Variants in GABRG3 observed in about 807,000 individuals in gnomAD.
The protein encoded by GABRG3 is gamma-aminobutyric acid receptor subunit gamma-3.
A neutral mutation model predicts 48.8 loss-of-function variants in GABRG3; 25 were observed. The ratio of observed to expected loss-of-function variants is 0.51; its 90% CI spans 0.37 to 0.72. The LOEUF (loss-of-function observed/expected upper bound fraction) is 0.72, where lower values mean the gene tolerates loss of function less well. Ranked by LOEUF, GABRG3 falls within the 30% of genes least tolerant of loss-of-function variation. GABRG3 has a pLI of 0.00. For synonymous variants in GABRG3, 227 were observed against 217.6 expected (o/e 1.04, Z -0.38); for missense variants, 394 against 577.9 (o/e 0.68, Z 3.26).
intron 3 of GABRG3, among the ~76,000 whole-genome samples, chr15:27,305,136 T>C (rs889392481): frequency 6.6e-6 from 1 of 151,894 alleles, no homozygotes; most frequent in Admixed American, 6.6e-5. Context: ...CAGTCCAGTA[T>C]CATTCCAATG....
intron 2 of GABRG3, among the ~76,000 whole-genome samples, chr15:26,981,719 C>T (rs115066308): frequency 0.011 from 1,656 of 152,256 alleles, 34 homozygotes; most frequent in African/African-American, 0.038. Flanking sequence ...TTGCAGCAGA[C>T]GCACCGTCGG....
Position 26,977,037 on chromosome 15 carries a change from C to T in GABRG3, c.89C>T (p.Ser30Leu). ...RKVEEDEYED[S>L]SSNQKWVLAP... ...GTGGAAGAGGATGAATATGAAGATT[C>T]ATCATCAAACCAAAAGTGGGTCTTG... Residue 30 changes from serine (S) to leucine (L), a missense_variant, in exon 2 of 10, where the codon TCA becomes TTA. By Grantham distance (145) the Ser-to-Leu change is moderately radical (BLOSUM62 -2). This residue lies in a region of GABRG3 where 218 missense variants were observed against 309.9 expected (regional missense o/e 0.70). Transcript: ENST00000615808. 3.7e-6 allele frequency: 6 copies of T among 1,613,862 alleles called. No homozygotes were observed. Among genetic ancestry groups the T allele is most frequent in the Non-Finnish European group, 5.1e-6 (6 of 1,179,858 alleles).
At chr15:26,972,263 A>G (rs2140629053) in intron 1 of GABRG3, among the ~76,000 whole-genome samples, 1 of 152,294 alleles carries the variant, frequency 6.6e-6, no homozygotes, top group African/African-American at 2.4e-5. Context: ...GTAATGTAAG[A>G]AATCATCTCA....
In GABRG3 at chr15:27,481,114, A is replaced by G. The variant is rs956357037; in HGVS notation, c.712+327A>G. ...GAGAGTTCTGCAAATTTCCACGTAC[A>G]TAAGAAGAATCAAATATTATTGAGA... On this transcript the variant is annotated intron_variant, in intron 6 of 9. Transcript: ENST00000615808. 6.4e-6 allele frequency: 7 copies of G among 1,101,940 alleles called. No homozygotes were observed. The African/African-American group carries it at 1.1e-4, about 18-fold the overall frequency. The allele number at this position is 1,101,940 out of a possible 1,614,324, so 68.3% of individuals were successfully genotyped here. A position where few individuals can be genotyped will look rare whatever the true frequency, so the allele number is the denominator to read the frequency against.
intron 3 of GABRG3, among the ~76,000 whole-genome samples, chr15:27,276,951 A>G (rs1277096918): frequency 6.6e-6 from 1 of 152,226 alleles, no homozygotes; most frequent in Non-Finnish European, 1.5e-5. Context: ...CAGGAGTTTG[A>G]TTGATTGGCT....
chr15:27,426,556 A>G (rs1016529165), intron 5 of GABRG3, among the ~76,000 whole-genome samples: 7 of 152,174 alleles, frequency 4.6e-5, no homozygotes, highest in Non-Finnish European at 8.8e-5. Context: ...GTCTCATGCC[A>G]GTAATCCCAG....
At chr15:27,294,020 T>C (rs1891892163) in intron 3 of GABRG3, among the ~76,000 whole-genome samples, 1 of 152,074 alleles carries the variant, frequency 6.6e-6, no homozygotes, top group Non-Finnish European at 1.5e-5. Context: ...GGTGGGATTG[T>C]GATTCAAATT....
At chr15:27,113,945 A>C (rs1462439165) in intron 3 of GABRG3, among the ~76,000 whole-genome samples, 2 of 152,224 alleles carry the variant, frequency 1.3e-5, no homozygotes, top group African/African-American at 4.8e-5. Flanking sequence ...TTTTGCAAAA[A>C]TGACCAACAT....
chr15:27,219,343 A>C (rs970633430), intron 3 of GABRG3, among the ~76,000 whole-genome samples: 1 of 152,142 alleles, frequency 6.6e-6, no homozygotes, highest in East Asian at 1.9e-4. Flanking sequence ...GCAGAGTCCA[A>C]TTTGGGCTCA....
chr15:27,448,201 A>T (rs1889000640), intron 5 of GABRG3, among the ~76,000 whole-genome samples: 1 of 152,192 alleles, frequency 6.6e-6, no homozygotes, highest in Admixed American at 6.5e-5. Flanking sequence ...ATATTTACCC[A>T]AGGGGTAGTG....
intron 5 of GABRG3, among the ~76,000 whole-genome samples, chr15:27,347,920 A>T (rs1217254152): frequency 6.6e-6 from 1 of 152,020 alleles, no homozygotes; most frequent in Non-Finnish European, 1.5e-5. Flanking sequence ...CAGTTGTCTG[A>T]TGGGTTCAAG....
At chr15:27,003,493 A>G (rs1449071898) in intron 2 of GABRG3, among the ~76,000 whole-genome samples, 1 of 151,978 alleles carries the variant, frequency 6.6e-6, no homozygotes, top group African/African-American at 2.4e-5. Context: ...AATCCATTTA[A>G]CCCTGAGTGG....
Position 27,499,184 on chromosome 15 carries a change from T to C in GABRG3, c.712+18397T>C, listed in dbSNP as rs954906525. Among the ~76,000 whole-genome samples, 23 of 152,224 alleles carry C rather than the reference T, an allele frequency of 1.5e-4. 1 individual carries two copies. Among genetic ancestry groups the C allele is most frequent in the African/African-American group, 5.5e-4 (23 of 41,458 alleles). ...GTTCTTAGAATGTTCAGGATTTAAT[T>C]TGATACAAAGATATAAGACTAATTC... On this transcript the variant is annotated intron_variant, in intron 6 of 9. Coordinates refer to ENST00000615808, the MANE Select transcript of GABRG3 (RefSeq NM_033223.5).
intron 5 of GABRG3, among the ~76,000 whole-genome samples, chr15:27,357,671 T>C (rs1286217983): frequency 6.6e-6 from 1 of 152,236 alleles, no homozygotes; most frequent in Non-Finnish European, 1.5e-5. Flanking sequence ...AGACAGATGA[T>C]TTTCATATCT....
At chr15:27,403,133 G>A (rs1387560009) in intron 5 of GABRG3, among the ~76,000 whole-genome samples, 1 of 151,474 alleles carries the variant, frequency 6.6e-6, no homozygotes, top group Non-Finnish European at 1.5e-5. Context: ...AATTATAAAA[G>A]AAAAAAATTA....
chr15:27,125,574 A>G (rs1478343121), intron 3 of GABRG3, among the ~76,000 whole-genome samples: 1 of 152,258 alleles, frequency 6.6e-6, no homozygotes, highest in African/African-American at 2.4e-5. Flanking sequence ...CGTATATTGA[A>G]GTATCACTCT....
At chr15:27,188,503 T>C (rs1260214514) in intron 3 of GABRG3, among the ~76,000 whole-genome samples, 1 of 151,948 alleles carries the variant, frequency 6.6e-6, no homozygotes, top group African/African-American at 2.4e-5. Context: ...TTTCATGTGT[T>C]TTTTGGCTGC....
chr15:27,414,495 C>A (rs1887886738), intron 5 of GABRG3, among the ~76,000 whole-genome samples: 1 of 152,096 alleles, frequency 6.6e-6, no homozygotes, highest in African/African-American at 2.4e-5. Flanking sequence ...TTATTTTAAA[C>A]AAATAAAAGC....
chr15:27,391,232 A>G (rs1051189771), intron 5 of GABRG3, among the ~76,000 whole-genome samples: 2 of 152,174 alleles, frequency 1.3e-5, no homozygotes, highest in Admixed American at 6.5e-5. Context: ...TTATAGTTCT[A>G]TTACACTTGT....
Sources: allele counts gnomAD v4.1 joint callset (sites outside exome capture counted in the v4.1 genomes callset), GRCh38; gene constraint gnomAD v4.1.1; regional missense constraint gnomAD v4.1.1; transcripts MANE v1.5; gene names NCBI Gene and HGNC (gene_info 2026-07-23, HGNC 2026-07-21).